The following OR7E24 variants were observed in gnomAD, a reference collection of about 807,000 sequenced individuals.
OR7E24 encodes olfactory receptor 7E24.
For synonymous variants in OR7E24, 130 were observed against 157.5 expected (o/e 0.83, Z 1.31); for missense variants, 385 against 410.3 (o/e 0.94, Z 0.53).
chr19:9,248,583 G>T (rs1262579145), upstream of OR7E24, among the ~76,000 whole-genome samples: 1 of 152,100 alleles, frequency 6.6e-6, no homozygotes, highest in East Asian at 1.9e-4. Flanking sequence ...CTAGACCAGT[G>T]GGTGCCACGT....
upstream of OR7E24, among the ~76,000 whole-genome samples, chr19:9,248,043 A>G (rs147887998): frequency 7.6e-3 from 1,150 of 152,230 alleles, 10 homozygotes; most frequent in African/African-American, 0.026. Flanking sequence ...ATATTTTCCT[A>G]TTCCCTGGGT....
the OR7E24 span, chr19:9,210,707 C>T: frequency 1.5e-5 from 2 of 137,356 alleles, no homozygotes; most frequent in Non-Finnish European, 3.0e-5. Context: ...CACACACACA[C>T]AACACACACA....
chr19:9,251,336 A>C lies in OR7E24; in HGVS notation c.293A>C (p.Lys98Thr), dbSNP rs963072163. 8 of 1,613,954 alleles carry C rather than the reference A, an allele frequency of 5.0e-6. No homozygotes were observed. The highest frequency in any genetic ancestry group is 6.8e-6 in the Non-Finnish European group (8 of 1,180,026). ...GGTTTCACCTCCACCACGGTCCCCA[A>C]GATGATTGTGGACATGCAAACTCAC... Reference protein sequence around the residue: ...DIGFTSTTVPKMIVDMQTHSR... With the variant: ...DIGFTSTTVPTMIVDMQTHSR... The change falls in exon 1 of 1, where the codon AAG (lysine) becomes ACG (threonine). Residue 98 changes from lysine to threonine, a missense_variant. Physicochemically the swap from Lys to Thr is moderately conservative, Grantham distance 78. Coordinates refer to ENST00000456448, the MANE Select transcript of OR7E24 (RefSeq NM_001079935.2).
the OR7E24 span, among the ~76,000 whole-genome samples, chr19:9,220,071 T>C: frequency 6.6e-6 from 1 of 151,960 alleles, no homozygotes; most frequent in Non-Finnish European, 1.5e-5. Flanking sequence ...TTTTTTAAAT[T>C]ATAGAATTAT....
upstream of OR7E24, among the ~76,000 whole-genome samples, chr19:9,245,725 G>T (rs2066127300): frequency 1.3e-5 from 2 of 152,206 alleles, no homozygotes; most frequent in African/African-American, 2.4e-5. Context: ...CGCTGTTTCG[G>T]AGAAATCTCT....
upstream of OR7E24, among the ~76,000 whole-genome samples, chr19:9,250,144 G>A (rs1303911594): frequency 6.6e-6 from 1 of 152,088 alleles, no homozygotes; most frequent in Admixed American, 6.5e-5. Context: ...ACTCTGCCTA[G>A]AGTGCGGTGG....
At chr19:9,214,416 C>T in the OR7E24 span, 37 of 1,614,018 alleles carry the variant, frequency 2.3e-5, no homozygotes, top group African/African-American at 4.5e-4. Flanking sequence ...CAGGAGGCCA[C>T]AGAGGCAGGG....
At chr19:9,248,258 A>T (rs1036265728), upstream of OR7E24, among the ~76,000 whole-genome samples, 3 of 152,310 alleles carry the variant, frequency 2.0e-5, no homozygotes, top group South Asian at 4.1e-4. Flanking sequence ...TCCTAAATGC[A>T]TGGATCTCAG....
the OR7E24 span, among the ~76,000 whole-genome samples, chr19:9,227,996 G>A: frequency 8.5e-3 from 1,281 of 151,208 alleles, 29 homozygotes; most frequent in African/African-American, 0.029. Context: ...CTCGTGATCC[G>A]CCCGCCTCGG....
chr19:9,218,913 T>A, the OR7E24 span, among the ~76,000 whole-genome samples: 1 of 151,982 alleles, frequency 6.6e-6, no homozygotes, highest in Non-Finnish European at 1.5e-5. Flanking sequence ...GGATTATAGA[T>A]GTGAGCCACT....
the OR7E24 span, among the ~76,000 whole-genome samples, chr19:9,240,268 T>A: frequency 3.3e-5 from 5 of 152,346 alleles, no homozygotes; most frequent in East Asian, 9.6e-4. Context: ...TTTAGCCTGA[T>A]GCAATCTCAT....
the OR7E24 span, among the ~76,000 whole-genome samples, chr19:9,223,023 G>C: frequency 6.6e-6 from 1 of 152,100 alleles, no homozygotes; most frequent in Non-Finnish European, 1.5e-5. Flanking sequence ...GTTAATTTTT[G>C]TCAAATGTTT....
upstream of OR7E24, chr19:9,247,311 A>G (rs1208861745): frequency 2.5e-6 from 1 of 394,638 alleles, no homozygotes; most frequent in Non-Finnish European, 4.5e-6. Flanking sequence ...TAGAATAGTA[A>G]ATACTCAGCC....
At chr19:9,239,928 C>T in the OR7E24 span, among the ~76,000 whole-genome samples, 4 of 151,862 alleles carry the variant, frequency 2.6e-5, no homozygotes, top group Admixed American at 6.6e-5. Flanking sequence ...AGGCTGGTCT[C>T]GAACTGACCT....
chr19:9,247,754 T>C (rs34957495), upstream of OR7E24, among the ~76,000 whole-genome samples: 28,755 of 152,136 alleles, frequency 0.19, 4,217 homozygotes, highest in African/African-American at 0.41. Context: ...TACTTCTCTA[T>C]GGTTTCACCA....
the OR7E24 span, among the ~76,000 whole-genome samples, chr19:9,223,752 T>C: frequency 4.7e-4 from 65 of 137,698 alleles, no homozygotes; most frequent in African/African-American, 1.8e-3. Flanking sequence ...TTTTTTTTTT[T>C]AATAGTACAG....
chr19:9,213,888 G>GACACAGT, the OR7E24 span: 1 of 1,599,488 alleles, frequency 6.3e-7, no homozygotes, highest in South Asian at 1.1e-5. Flanking sequence ...TAGTTCTGAG[G>GACACAGT]CCCTGATTTG....
the OR7E24 span, among the ~76,000 whole-genome samples, chr19:9,239,709 T>TC: frequency 2.5e-4 from 31 of 125,694 alleles, 1 homozygote; most frequent in African/African-American, 8.0e-4. Context: ...TTCTTTTTCT[T>TC]TTTTTTTTTT....
chr19:9,213,518 T>C, the OR7E24 span: 28 of 169,572 alleles, frequency 1.7e-4, no homozygotes, highest in Middle Eastern at 3.0e-3. Context: ...GGCAGGCAGA[T>C]CATGAGGTCA....
Sources: allele counts gnomAD v4.1 joint callset (sites outside exome capture counted in the v4.1 genomes callset), GRCh38; gene constraint gnomAD v4.1.1; transcripts MANE v1.5; gene names NCBI Gene and HGNC (gene_info 2026-07-23, HGNC 2026-07-21).